Variants in COL4A4 observed in about 807,000 individuals in gnomAD.
COL4A4 encodes the protein collagen type IV alpha 4 chain, also known as collagen alpha-4(IV) chain.
COL4A4 carries 105 observed loss-of-function variants against 192.9 expected under a neutral mutation model. The observed-to-expected ratio is 0.54, with a 90% CI of 0.46 to 0.64. The LOEUF is 0.64. COL4A4 is among the 30% of genes least tolerant of loss of function. COL4A4 has a pLI of 0.00. For missense variants in COL4A4, 1,967 were observed against 2,169.3 expected (o/e 0.91, Z 1.85); for synonymous variants, 762 against 769.9 (o/e 0.99, Z 0.17).
chr2:227,035,986 G>C (rs1969583056), intron 37 of COL4A4, among the ~76,000 whole-genome samples: 1 of 152,180 alleles, frequency 6.6e-6, no homozygotes, highest in South Asian at 2.1e-4. Flanking sequence ...GGTTGTAAGG[G>C]TAATTTTTCC....
intron 1 of COL4A4, among the ~76,000 whole-genome samples, chr2:227,161,627 T>C (rs1372315454): frequency 2.6e-5 from 4 of 152,196 alleles, no homozygotes; most frequent in Non-Finnish European, 5.9e-5. Context: ...GGCTTTTAGA[T>C]AAGCAACTTC....
At chr2:226,968,886 C>T in the COL4A4 span, 1 of 152,236 alleles carries the variant, frequency 6.6e-6, no homozygotes, top group Non-Finnish European at 1.5e-5. Flanking sequence ...CAGTACTTGT[C>T]ATAACTGTCC....
In COL4A4 at chr2:227,042,327, T is replaced by A. The variant is rs1971635405; in HGVS notation, c.3398-72A>T. On this transcript the variant is annotated intron_variant, in intron 36 of 47. Transcript: ENST00000396625. ...TTACATTCACTGCAAAAGTCATCTA[T>A]GTTCTTAATATATGGGTAACGGAGA... 3.5e-6 allele frequency: 3 copies of A among 852,892 alleles called. No homozygotes were observed. The South Asian group carries it at 4.1e-5, about 12-fold the overall frequency. The allele number at this position is 852,892 out of a possible 1,614,324, so 52.8% of individuals were successfully genotyped here.
rs75586446 is a variant in COL4A4, at chr2:227,104,121, T to A, written c.736-69A>T. 3.5e-3 allele frequency: 4,631 copies of A among 1,338,248 alleles called. 110 individuals are homozygous for A. The African/African-American group carries it at 0.058, about 17-fold the overall frequency. The allele number at this position is 1,338,248 out of a possible 1,614,324, so 82.9% of individuals were successfully genotyped here. A position where few individuals can be genotyped will look rare whatever the true frequency, so the allele number is the denominator to read the frequency against. On this transcript the variant is annotated intron_variant, in intron 12 of 47. Transcript: ENST00000396625. ...TGTTTTGAAGGTTTTCACCCATGTA[T>A]TGTGGTATAATGCTTCCAATCCTAT...
At chr2:227,109,361 C>T (rs200853777) in intron 9 of COL4A4, 75 bp from the exon 10 acceptor site, 2 of 1,205,956 alleles carry the variant, frequency 1.7e-6, no homozygotes, top group South Asian at 1.2e-5. Flanking sequence ...TGCGTGTGAT[C>T]CCATGTGGAT....
At chr2:227,068,285 A>G (rs2058477128) in intron 25 of COL4A4, among the ~76,000 whole-genome samples, 1 of 152,202 alleles carries the variant, frequency 6.6e-6, no homozygotes, top group Non-Finnish European at 1.5e-5. Flanking sequence ...ATTCTACCAG[A>G]GGTACAAGGA....
chr2:227,033,381 A>T, intron 38 of COL4A4, 29 bp downstream of exon 38: 1 of 1,566,308 alleles, frequency 6.4e-7, no homozygotes, highest in Non-Finnish European at 8.8e-7. Flanking sequence ...ACTGAAGCTC[A>T]GTCTGTTACG....
intron 17 of COL4A4, 117 bp downstream of exon 17, chr2:227,101,387 A>G (rs2060513464): frequency 1.2e-6 from 1 of 850,942 alleles, no homozygotes; most frequent in African/African-American, 1.7e-5. Context: ...AATTAACTGT[A>G]TCTCTTCTAA....
chr2:227,007,429 C>T lies in COL4A4; in HGVS notation c.4969G>A (p.Ala1657Thr), dbSNP rs768633939. 11 of 1,614,222 alleles carry T rather than the reference C, an allele frequency of 6.8e-6. No homozygotes were observed. In the South Asian group the frequency reaches 7.7e-5, roughly 11 times the overall value. Residue 1657 changes from alanine to threonine, a missense_variant, in exon 48 of 48, where the codon GCA becomes ACA. Transcript: ENST00000396625. Reference sequence around the variant, plus strand: ...GGAGCAGAGGAAAACTGCAAGTCTGCTTTCACCGTTGTGAGCCAGAAGCTA... The same window carrying T: ...GGAGCAGAGGAAAACTGCAAGTCTGTTTTCACCGTTGTGAGCCAGAAGCTA... ...KYSFWLTTVK[A>T]DLQFSSAPAP...
At chr2:227,143,048 G>A (rs2063327350) in intron 3 of COL4A4, among the ~76,000 whole-genome samples, 1 of 151,990 alleles carries the variant, frequency 6.6e-6, no homozygotes, top group Non-Finnish European at 1.5e-5. Flanking sequence ...GAGCACATGG[G>A]CACACAGGCA....
intron 44 of COL4A4, among the ~76,000 whole-genome samples, chr2:227,016,954 G>A (rs1309270850): frequency 6.6e-6 from 1 of 152,190 alleles, no homozygotes; most frequent in South Asian, 2.1e-4. Context: ...TCTCCCCGGG[G>A]TGGCACTCCT....
chr2:227,071,390 GA>G (rs1479730069), intron 25 of COL4A4, among the ~76,000 whole-genome samples: 1 of 152,070 alleles, frequency 6.6e-6, no homozygotes, highest in Non-Finnish European at 1.5e-5. Context: ...GGAGCTTTTA[GA>G]TTCAAAAAAC....
intron 21 of COL4A4, among the ~76,000 whole-genome samples, chr2:227,089,073 C>T (rs1389825616): frequency 6.6e-6 from 1 of 151,918 alleles, no homozygotes; most frequent in African/African-American, 2.4e-5. Flanking sequence ...TTTATCCTGA[C>T]AAATTCTAGG....
intron 19 of COL4A4, among the ~76,000 whole-genome samples, chr2:227,097,644 AG>A (rs930611242): frequency 6.6e-5 from 10 of 152,218 alleles, no homozygotes; most frequent in African/African-American, 1.9e-4. Flanking sequence ...ACCAGAGTCC[AG>A]TGCTTTCTGA....
chr2:227,056,466 C>T (rs903273637), intron 29 of COL4A4, among the ~76,000 whole-genome samples: 1 of 151,874 alleles, frequency 6.6e-6, no homozygotes, highest in Non-Finnish European at 1.5e-5. Flanking sequence ...GCTCTACAGC[C>T]GAGAAGAAGT....
At chr2:227,103,063 T>C (rs1490760912) in intron 14 of COL4A4, 81 bp downstream of exon 14, 3 of 1,314,258 alleles carry the variant, frequency 2.3e-6, no homozygotes, top group Non-Finnish European at 3.2e-6. Context: ...AAAGCAATGA[T>C]AAAGACCATG....
At chr2:227,059,073 C>T (rs565033289) in intron 28 of COL4A4, among the ~76,000 whole-genome samples, 6 of 152,204 alleles carry the variant, frequency 3.9e-5, no homozygotes, top group Non-Finnish European at 8.8e-5. Context: ...CACAATCAGG[C>T]CTGCCTACCT....
the COL4A4 span, among the ~76,000 whole-genome samples, chr2:226,985,682 C>A: frequency 6.6e-6 from 1 of 152,232 alleles, no homozygotes; most frequent in Non-Finnish European, 1.5e-5. Context: ...GGAAGCCCAC[C>A]CAATCAGCAA....
At chr2:227,080,408 G>C (rs753017319) in intron 24 of COL4A4, 35 bp downstream of exon 24, 1 of 1,563,730 alleles carries the variant, frequency 6.4e-7, no homozygotes, top group Non-Finnish European at 8.8e-7. Flanking sequence ...ATATAAGAAA[G>C]TGAAATTCTA....
Sources: gnomAD v4.1 joint callset for allele counts (sites outside exome capture counted in the v4.1 genomes callset) on GRCh38, gnomAD v4.1.1 for gene constraint, MANE v1.5 for transcripts, NCBI Gene and HGNC (gene_info 2026-07-23, HGNC 2026-07-21) for gene names.